KCNH5: variants seen among roughly 807,000 people sequenced by gnomAD.
The protein encoded by KCNH5 is potassium voltage-gated channel subfamily H member 5.
KCNH5 carries 46 observed loss-of-function variants against 96.1 expected under a neutral mutation model. The observed-to-expected ratio is 0.48, with a 90% confidence interval of 0.38 to 0.61. KCNH5 has a LOEUF of 0.61. Ranked by LOEUF, KCNH5 falls within the 20% of genes least tolerant of loss-of-function variation. The pLI is 0.00. For synonymous variants in KCNH5, 439 were observed against 449.8 expected (o/e 0.98, Z 0.30); for missense variants, 907 against 1,225.8 (o/e 0.74, Z 3.88).
chr14:62,979,937 C>T (rs933482352), intron 6 of KCNH5, among the ~76,000 whole-genome samples: 1 of 152,174 alleles, frequency 6.6e-6, no homozygotes, highest in Non-Finnish European at 1.5e-5. Flanking sequence ...AATCTCATCT[C>T]AAATGGTAAT....
At chr14:63,007,002 C>T (rs529978968) in intron 2 of KCNH5, among the ~76,000 whole-genome samples, 100 of 152,038 alleles carry the variant, frequency 6.6e-4, no homozygotes, top group Non-Finnish European at 1.2e-3. Flanking sequence ...AAACTAAAGT[C>T]CACCAAAGAA....
chr14:62,723,607 C>A (rs1884861654), intron 10 of KCNH5, among the ~76,000 whole-genome samples: 1 of 152,120 alleles, frequency 6.6e-6, no homozygotes, highest in South Asian at 2.1e-4. Context: ...TCTTCACATC[C>A]CTCATGGGGT....
At chr14:62,770,163 G>A (rs149172686) in intron 10 of KCNH5, among the ~76,000 whole-genome samples, 3 of 152,248 alleles carry the variant, frequency 2.0e-5, no homozygotes, top group South Asian at 2.1e-4. Context: ...CCATTTCTTC[G>A]AAGATGCTCG....
intron 7 of KCNH5, among the ~76,000 whole-genome samples, chr14:62,912,087 T>C (rs1161666724): frequency 6.7e-6 from 1 of 150,032 alleles, no homozygotes; most frequent in Non-Finnish European, 1.5e-5. Flanking sequence ...ACCTCTGTTA[T>C]ACTACTTACA....
At chr14:62,961,724 G>T (rs1010364911) in intron 6 of KCNH5, among the ~76,000 whole-genome samples, 1 of 152,124 alleles carries the variant, frequency 6.6e-6, no homozygotes, top group African/African-American at 2.4e-5. Context: ...GGAAATGGAG[G>T]TGCAGATGGA....
chr14:62,989,865 T>C (rs1890777396), intron 4 of KCNH5, among the ~76,000 whole-genome samples: 1 of 152,072 alleles, frequency 6.6e-6, no homozygotes, highest in Non-Finnish European at 1.5e-5. Flanking sequence ...TTGGTAAAAG[T>C]GGTGAGGGCG....
chr14:62,779,964 C>G (rs1173219386), intron 9 of KCNH5, 40 bp from the exon 10 acceptor site: 1 of 1,511,140 alleles, frequency 6.6e-7, no homozygotes, highest in East Asian at 2.3e-5. Flanking sequence ...GTATCTAACA[C>G]TGTTCTTATT....
intron 8 of KCNH5, among the ~76,000 whole-genome samples, chr14:62,817,492 G>A (rs899789433): frequency 2.0e-5 from 3 of 148,980 alleles, no homozygotes; most frequent in African/African-American, 7.3e-5. Flanking sequence ...TATTCGGTTT[G>A]AGGAGAAAAA....
intron 10 of KCNH5, among the ~76,000 whole-genome samples, chr14:62,760,157 T>C (rs927487548): frequency 2.1e-4 from 32 of 152,202 alleles, no homozygotes; most frequent in African/African-American, 7.2e-4. Context: ...CTGTGTACTA[T>C]CACACTCTAC....
At chr14:63,000,247 C>T (rs1411855099) in intron 4 of KCNH5, among the ~76,000 whole-genome samples, 12 of 152,166 alleles carry the variant, frequency 7.9e-5, no homozygotes, top group Middle Eastern at 3.4e-3. Flanking sequence ...TAAGGAAAGG[C>T]GATGTTTGTC....
chr14:62,991,007 G>T (rs1890799040), intron 4 of KCNH5, among the ~76,000 whole-genome samples: 1 of 151,948 alleles, frequency 6.6e-6, no homozygotes, highest in Admixed American at 6.6e-5. Flanking sequence ...CTCCCATGAG[G>T]TCCCTCCCCC....
intron 7 of KCNH5, among the ~76,000 whole-genome samples, chr14:62,936,194 A>C (rs1889676660): frequency 6.6e-6 from 1 of 152,204 alleles, no homozygotes; most frequent in Admixed American, 6.5e-5. Flanking sequence ...AAAGGAAGTG[A>C]AGACACATGC....
chr14:62,886,953 T>C lies in KCNH5; in HGVS notation c.1370-37101A>G, dbSNP rs541411720. On this transcript the variant is annotated intron_variant, in intron 7 of 10. Transcript: ENST00000322893. ...CAAGGGAAGTCATACTTCCCAGGAG[T>C]GTTAAAATATTTCTATACATCAAAA... is the stretch of plus-strand genomic sequence containing the variant. 2.0e-5 allele frequency among the ~76,000 whole-genome samples: 3 copies of C among 151,962 alleles called. 1 individual carries two copies. The highest frequency in any genetic ancestry group is 4.2e-4 in the South Asian group (2 of 4,818).
chr14:63,039,177 C>T (rs1439181880), intron 1 of KCNH5, among the ~76,000 whole-genome samples: 3 of 152,000 alleles, frequency 2.0e-5, no homozygotes, highest in Admixed American at 2.0e-4. Flanking sequence ...TATATGGTTT[C>T]TAACCCACCA....
At chr14:62,993,900 G>A (rs1890859437) in intron 4 of KCNH5, among the ~76,000 whole-genome samples, 1 of 152,026 alleles carries the variant, frequency 6.6e-6, no homozygotes, top group South Asian at 2.1e-4. Flanking sequence ...AATATGAAGA[G>A]CCTAATACTT....
At chr14:62,719,466 A>T (rs983692362) in intron 10 of KCNH5, among the ~76,000 whole-genome samples, 27 of 152,252 alleles carry the variant, frequency 1.8e-4, no homozygotes, top group African/African-American at 6.3e-4. Flanking sequence ...AATTAAATTG[A>T]AAGGAGTTTA....
chr14:62,787,966 A>G (rs539300435), intron 9 of KCNH5, among the ~76,000 whole-genome samples: 2 of 152,342 alleles, frequency 1.3e-5, no homozygotes, highest in East Asian at 3.9e-4. Flanking sequence ...GCCGGCTAAC[A>G]CAACATCCAT....
intron 3 of KCNH5, among the ~76,000 whole-genome samples, chr14:63,003,620 A>ATT (rs1229857720): frequency 9.6e-5 from 11 of 114,302 alleles, no homozygotes; most frequent in African/African-American, 3.3e-4. Flanking sequence ...ATATATATAT[A>ATT]TATATTTTTT....
At chr14:62,781,408 G>A (rs1049634241) in intron 9 of KCNH5, among the ~76,000 whole-genome samples, 2 of 152,198 alleles carry the variant, frequency 1.3e-5, no homozygotes, top group Non-Finnish European at 2.9e-5. Context: ...AGGAGACAGC[G>A]TTTTGAGATC....
Sources: gnomAD v4.1 joint callset for allele counts (sites outside exome capture counted in the v4.1 genomes callset) on GRCh38, gnomAD v4.1.1 for gene constraint, MANE v1.5 for transcripts, NCBI Gene and HGNC (gene_info 2026-07-23, HGNC 2026-07-21) for gene names.